APOLD1: variants seen among roughly 807,000 people sequenced by gnomAD.
The protein encoded by APOLD1 is apolipoprotein L domain containing 1.
In APOLD1, 22 loss-of-function variants were observed where a neutral mutation model predicts 15.3. The observed-to-expected ratio is 1.44, with a 90% CI of 1.03 to 2.05. The LOEUF is 2.05. Among genes scored for constraint, APOLD1 ranks in the 30% most tolerant of loss-of-function variants. The probability of loss-of-function intolerance (pLI) is 0.00; values close to 1 mark genes in which losing one functional copy is unlikely to be tolerated. For missense variants in APOLD1, 394 were observed against 353.5 expected (o/e 1.11, Z -0.92); for synonymous variants, 190 against 167.4 (o/e 1.13, Z -1.04).
intron 1 of APOLD1, among the ~76,000 whole-genome samples, chr12:12,746,316 T>G (rs538406808): frequency 3.9e-5 from 6 of 152,272 alleles, no homozygotes; most frequent in African/African-American, 1.2e-4. Context: ...GCCAACATGG[T>G]GAAACCCTGT....
intron 1 of APOLD1, among the ~76,000 whole-genome samples, chr12:12,762,922 G>A (rs1186842608): frequency 6.6e-6 from 1 of 152,044 alleles, no homozygotes; most frequent in East Asian, 1.9e-4. Flanking sequence ...GAGGCAAGAG[G>A]ATTTCTTGAT....
chr12:12,777,714 T>C (rs1267146649), intron 1 of APOLD1, among the ~76,000 whole-genome samples: 1 of 145,538 alleles, frequency 6.9e-6, no homozygotes, highest in Non-Finnish European at 1.5e-5. Flanking sequence ...TCAAAGGAAA[T>C]GCTCACTGCA....
intron 1 of APOLD1, among the ~76,000 whole-genome samples, chr12:12,754,696 G>T (rs899385727): frequency 2.0e-5 from 3 of 152,026 alleles, no homozygotes; most frequent in African/African-American, 7.2e-5. Flanking sequence ...ACCCCAAAGT[G>T]CTGGGATTAC....
chr12:12,738,512 A>C (rs1946707368), intron 1 of APOLD1, among the ~76,000 whole-genome samples: 1 of 152,182 alleles, frequency 6.6e-6, no homozygotes. Context: ...GGTTAATTAC[A>C]TAGATATTTA....
chr12:12,726,385 CTTTTGATAAAGCGTGTGTACG>C lies in APOLD1; in HGVS notation c.96+292_96+312del, dbSNP rs1335091641. 9 of 499,346 alleles carry C rather than the reference CTTTTGATAAAGCGTGTGTACG, an allele frequency of 1.8e-5. No individual in the cohort carries two copies. In the Admixed American group the frequency reaches 2.0e-4, roughly 11 times the overall value. 30.9% of individuals were successfully genotyped at this position (499,346 alleles called of 1,614,324 possible). ...CCTTTGATTTCTGGGTACGGAAATTCTTTTGATAAAGCGTGTGTACGTTAAGATTTAGGATGACTTTTTTTT... is the reference window on the plus strand; with the variant it reads ...CCTTTGATTTCTGGGTACGGAAATTCTTAAGATTTAGGATGACTTTTTTTT... On this transcript the variant is annotated intron_variant, in intron 1 of 1. Coordinates refer to the APOLD1 transcript ENST00000326765.
In APOLD1 at chr12:12,787,460, G is replaced by A. The variant is rs765870304; in HGVS notation, c.555G>A (p.Glu185=). 5.0e-6 allele frequency: 8 copies of A among 1,614,190 alleles called. No homozygotes were observed. Among genetic ancestry groups the A allele is most frequent in the Non-Finnish European group, 6.8e-6 (8 of 1,180,030 alleles). ...SRGFLIPRRA[E]GDTKVSQAVL... ...GCTTCCTCATCCCCAGGCGGGCGGAGGGGGACACCAAGGTTAGCCAGGCCG... is the reference window on the plus strand; with the variant it reads ...GCTTCCTCATCCCCAGGCGGGCGGAAGGGGACACCAAGGTTAGCCAGGCCG... Residue 185 remains glutamate, a synonymous_variant, in exon 2 of 2, where the codon GAG becomes GAA. Coordinates refer to ENST00000356591, the MANE Select transcript of APOLD1 (RefSeq NM_030817.3). This position sits in a 1 kb window ranked among gnomAD's most constrained non-coding sequence, Gnocchi z 4.9.
intron 1 of APOLD1, among the ~76,000 whole-genome samples, chr12:12,780,306 G>A (rs1173694121): frequency 6.6e-6 from 1 of 150,598 alleles, no homozygotes; most frequent in Non-Finnish European, 1.5e-5. Context: ...GTGCAGTGGT[G>A]TGATCTCGGC....
intron 1 of APOLD1, among the ~76,000 whole-genome samples, chr12:12,729,765 AAATAAT>A (rs1032488733): frequency 5.8e-4 from 88 of 151,634 alleles, no homozygotes; most frequent in African/African-American, 2.0e-3. Flanking sequence ...TAAAAAAATA[AAATAAT>A]AATAATAATA....
chr12:12,771,674 C>T (rs1946988382), intron 1 of APOLD1: 2 of 471,772 alleles, frequency 4.2e-6, no homozygotes, highest in South Asian at 1.6e-5. Context: ...CTTGTCTCCT[C>T]TGGCTCCTCA....
At chr12:12,781,537 T>A (rs1189487268), upstream of APOLD1, among the ~76,000 whole-genome samples, 1 of 150,782 alleles carries the variant, frequency 6.6e-6, no homozygotes, top group African/African-American at 2.4e-5. Flanking sequence ...TTTTTTTTTT[T>A]TTTTTTTTGA....
chr12:12,741,499 C>G (rs143657457), intron 1 of APOLD1, among the ~76,000 whole-genome samples: 1 of 152,316 alleles, frequency 6.6e-6, no homozygotes, highest in African/African-American at 2.4e-5. Flanking sequence ...CAGGCATGAG[C>G]CATTGTGCCC....
At chr12:12,771,040 G>C (rs898477312) in intron 1 of APOLD1, among the ~76,000 whole-genome samples, 8 of 152,062 alleles carry the variant, frequency 5.3e-5, no homozygotes, top group African/African-American at 9.7e-5. Flanking sequence ...CAGAAATAAA[G>C]GTCTTCTCAG....
intron 1 of APOLD1, among the ~76,000 whole-genome samples, chr12:12,756,996 A>G (rs1946861616): frequency 6.6e-6 from 1 of 152,182 alleles, no homozygotes; most frequent in Admixed American, 6.5e-5. Context: ...CATTTTGGCC[A>G]GGCTAGTCTC....
At chr12:12,781,590 T>G (rs1356665502), upstream of APOLD1, among the ~76,000 whole-genome samples, 10 of 149,716 alleles carry the variant, frequency 6.7e-5, no homozygotes, top group Non-Finnish European at 1.5e-4. Flanking sequence ...TGCAGTGGCA[T>G]GATCTCTGCT....
chr12:12,741,617 T>G (rs1434862414), intron 1 of APOLD1, among the ~76,000 whole-genome samples: 1 of 152,118 alleles, frequency 6.6e-6, no homozygotes, highest in Admixed American at 6.5e-5. Context: ...CTCCCTGAAG[T>G]TCCTGGGTTG....
intron 1 of APOLD1, among the ~76,000 whole-genome samples, chr12:12,730,053 TGTGTGTGTGTGTGTGTGTGTGTGTGAGA>T (rs1305699537): frequency 9.6e-6 from 1 of 104,612 alleles, no homozygotes; most frequent in African/African-American, 4.0e-5. Context: ...TGTGTGTGTG[TGTGTGTGTGTGTGTGTGTGTGTGTGAGA>T]GAGAGAGAGA....
At chr12:12,771,388 T>C (rs1390461446) in intron 1 of APOLD1, 1 of 355,808 alleles carries the variant, frequency 2.8e-6, no homozygotes, top group African/African-American at 2.2e-5. Flanking sequence ...ACAATAGCCA[T>C]AAGCAGCAAC....
chr12:12,729,814 A>C (rs928314412), intron 1 of APOLD1, among the ~76,000 whole-genome samples: 1 of 151,964 alleles, frequency 6.6e-6, no homozygotes, highest in Non-Finnish European at 1.5e-5. Flanking sequence ...AATGGTTTAA[A>C]TGGTAATTTG....
At chr12:12,781,904 C>T (rs1191001387), upstream of APOLD1, among the ~76,000 whole-genome samples, 4 of 151,980 alleles carry the variant, frequency 2.6e-5, no homozygotes, top group Admixed American at 2.6e-4. Context: ...TAAACACCTC[C>T]TAACATAGTC....
Sources: allele counts gnomAD v4.1 joint callset (sites outside exome capture counted in the v4.1 genomes callset), GRCh38; gene constraint gnomAD v4.1.1; non-coding constraint Gnocchi (gnomAD v3.1); transcripts MANE v1.5; gene names NCBI Gene and HGNC (gene_info 2026-07-23, HGNC 2026-07-21).